Variants in MGAT5 observed in about 807,000 individuals in gnomAD.
The protein encoded by MGAT5 is alpha-1,6-mannosylglycoprotein 6-beta-N-acetylglucosaminyltransferase, also known as alpha-1,6-mannosylglycoprotein 6-beta-N-acetylglucosaminyltransferase A.
Under a neutral mutation model 94.3 loss-of-function variants are expected in MGAT5, and 30 were observed. The ratio of observed to expected loss-of-function variants is 0.32; its 90% CI spans 0.24 to 0.43. The LOEUF is 0.43. MGAT5 is among the 20% of genes least tolerant of loss of function. The probability of loss-of-function intolerance (pLI) is 1.00; values close to 1 mark genes in which losing one functional copy is unlikely to be tolerated. For synonymous variants in MGAT5, 310 were observed against 322.9 expected (o/e 0.96, Z 0.43); for missense variants, 691 against 905.5 (o/e 0.76, Z 3.04).
intron 4 of MGAT5, among the ~76,000 whole-genome samples, chr2:134,324,814 C>G (rs142794124): frequency 6.6e-6 from 1 of 152,186 alleles, no homozygotes; most frequent in Non-Finnish European, 1.5e-5. Context: ...AACACACACC[C>G]TTCAAATGTT....
chr2:134,392,969 A>G (rs181447833), intron 10 of MGAT5, among the ~76,000 whole-genome samples: 91 of 152,294 alleles, frequency 6.0e-4, no homozygotes, highest in African/African-American at 1.5e-3. Context: ...GGTGTCCCCA[A>G]TCTCAGCCAT....
At chr2:134,393,550 G>A (rs1682538331) in intron 10 of MGAT5, among the ~76,000 whole-genome samples, 2 of 152,146 alleles carry the variant, frequency 1.3e-5, no homozygotes, top group Non-Finnish European at 2.9e-5. Flanking sequence ...CCCCCGTGCA[G>A]ACAATGAAGT....
chr2:134,387,813 G>A (rs553921826), intron 10 of MGAT5, among the ~76,000 whole-genome samples: 2 of 152,320 alleles, frequency 1.3e-5, no homozygotes, highest in East Asian at 1.9e-4. Flanking sequence ...AGATGGTTGA[G>A]TATTCAAATG....
intron 4 of MGAT5, among the ~76,000 whole-genome samples, chr2:134,335,107 T>A (rs1688254930): frequency 6.6e-6 from 1 of 152,150 alleles, no homozygotes; most frequent in Non-Finnish European, 1.5e-5. Flanking sequence ...CACCTTGCAT[T>A]ATGAGTAACT....
At position 134,445,222 on chromosome 2, in the gene MGAT5, G is replaced by A. The variant is rs79354571; in HGVS notation, c.2027+3307G>A. Among the ~76,000 whole-genome samples, 169 of 152,314 alleles carry A rather than the reference G, an allele frequency of 1.1e-3. 2 individuals carry two copies. In the East Asian group the frequency reaches 0.027, roughly 24 times the overall value. ...AGCCCCGCACCATGTTGCTGGGGAA[G>A]ACAGTGACCCCAGCCCCATCAGGCA... On this transcript the variant is annotated intron_variant, in intron 15 of 15. Coordinates refer to ENST00000281923, the MANE Select transcript of MGAT5 (RefSeq NM_002410.5).
intron 1 of MGAT5, among the ~76,000 whole-genome samples, chr2:134,126,113 A>G (rs796578596): frequency 8.5e-5 from 13 of 152,352 alleles, no homozygotes; most frequent in African/African-American, 3.1e-4. Flanking sequence ...TCTGAACCCA[A>G]GATCGCCATA....
At chr2:134,170,077 A>G (rs1176454200) in intron 1 of MGAT5, among the ~76,000 whole-genome samples, 1 of 152,244 alleles carries the variant, frequency 6.6e-6, no homozygotes, top group South Asian at 2.1e-4. Flanking sequence ...TTATGAAAAC[A>G]TAAAAGATTA....
intron 1 of MGAT5, among the ~76,000 whole-genome samples, chr2:134,218,254 A>G (rs1359864218): frequency 6.6e-6 from 1 of 152,268 alleles, no homozygotes; most frequent in Non-Finnish European, 1.5e-5. Context: ...TCAGTCTGAC[A>G]CAGAACAAAG....
intron 10 of MGAT5, among the ~76,000 whole-genome samples, chr2:134,399,520 G>A (rs1489772778): frequency 1.3e-5 from 2 of 152,168 alleles, no homozygotes; most frequent in African/African-American, 2.4e-5. Flanking sequence ...TTCTTAATGA[G>A]AATTTAAATT....
intron 9 of MGAT5, among the ~76,000 whole-genome samples, chr2:134,356,307 A>T (rs1679737880): frequency 6.7e-6 from 1 of 149,956 alleles, no homozygotes. Flanking sequence ...CACTTCTTTG[A>T]TTTTTTTTTT....
chr2:134,209,170 A>C (rs765779867), intron 1 of MGAT5, among the ~76,000 whole-genome samples: 2 of 30,704 alleles, frequency 6.5e-5, no homozygotes, highest in Non-Finnish European at 1.0e-4. Flanking sequence ...TTTTTTTTTT[A>C]TTTTTTTTTT....
chr2:134,436,048 A>T (rs1415095517), intron 14 of MGAT5, among the ~76,000 whole-genome samples: 1 of 152,098 alleles, frequency 6.6e-6, no homozygotes, highest in African/African-American at 2.4e-5. Flanking sequence ...TTACCTCCAG[A>T]CTCTTGCAGC....
intron 1 of MGAT5, among the ~76,000 whole-genome samples, chr2:134,137,202 T>A (rs1686448593): frequency 6.6e-6 from 1 of 152,234 alleles, no homozygotes; most frequent in South Asian, 2.1e-4. Flanking sequence ...AATAGGTCTC[T>A]GCCCAAGAAA....
intron 1 of MGAT5, among the ~76,000 whole-genome samples, chr2:134,241,337 A>G (rs1288802718): frequency 6.6e-6 from 1 of 152,256 alleles, no homozygotes; most frequent in African/African-American, 2.4e-5. Context: ...AACATGTTCA[A>G]AGGAAGCAAT....
At chr2:134,432,141 T>C (rs1389938883) in intron 14 of MGAT5, among the ~76,000 whole-genome samples, 1 of 152,228 alleles carries the variant, frequency 6.6e-6, no homozygotes, top group Non-Finnish European at 1.5e-5. Flanking sequence ...AAGTCTTTTG[T>C]ATTAGCCTCA....
At chr2:134,374,936 T>G (rs571555482) in intron 10 of MGAT5, among the ~76,000 whole-genome samples, 1 of 152,314 alleles carries the variant, frequency 6.6e-6, no homozygotes, top group East Asian at 1.9e-4. Flanking sequence ...AAGGCTGCAG[T>G]GAGCTGAGAT....
At chr2:134,193,918 A>G (rs936657894) in intron 1 of MGAT5, among the ~76,000 whole-genome samples, 1 of 152,186 alleles carries the variant, frequency 6.6e-6, no homozygotes, top group African/African-American at 2.4e-5. Context: ...TAGAATGAGT[A>G]AAAATAAACT....
intron 11 of MGAT5, among the ~76,000 whole-genome samples, chr2:134,405,837 G>T (rs954228504): frequency 1.3e-5 from 2 of 152,246 alleles, no homozygotes; most frequent in Non-Finnish European, 2.9e-5. Context: ...TTTTGTCCAG[G>T]CATGCCATTA....
intron 1 of MGAT5, among the ~76,000 whole-genome samples, chr2:134,230,465 T>C (rs1681303756): frequency 6.6e-6 from 1 of 152,196 alleles, no homozygotes; most frequent in Non-Finnish European, 1.5e-5. Flanking sequence ...AGGATGACTA[T>C]AGTTAGCCAT....
Sources: allele counts gnomAD v4.1 joint callset (sites outside exome capture counted in the v4.1 genomes callset), GRCh38; gene constraint gnomAD v4.1.1; transcripts MANE v1.5; gene names NCBI Gene and HGNC (gene_info 2026-07-23, HGNC 2026-07-21).